GPC6: variants seen among roughly 807,000 people sequenced by gnomAD.
The protein encoded by GPC6 is glypican 6.
In GPC6, 14 loss-of-function variants were observed where a neutral mutation model predicts 55.2. The observed-to-expected ratio is 0.25, with a 90% confidence interval of 0.17 to 0.40. GPC6 has a LOEUF of 0.40. Among genes scored for constraint, GPC6 ranks in the 10% least tolerant of loss-of-function variants. The pLI is 1.00. For missense variants in GPC6, 641 were observed against 708.5 expected (o/e 0.90, Z 1.08); for synonymous variants, 278 against 259.6 (o/e 1.07, Z -0.68).
chr13:94,080,380 A>G (rs534590875), intron 4 of GPC6, among the ~76,000 whole-genome samples: 2 of 151,628 alleles, frequency 1.3e-5, no homozygotes, highest in African/African-American at 4.8e-5. Flanking sequence ...GCATTATTAG[A>G]ATACATAACA....
At chr13:93,376,867 G>A in intron 1 of GPC6, among the ~76,000 whole-genome samples, 1 of 150,120 alleles carries the variant, frequency 6.7e-6, no homozygotes, top group South Asian at 2.1e-4. Context: ...ACACTGTCAT[G>A]TGCACAGCTA....
chr13:93,796,928 A>G (rs1029756973), intron 2 of GPC6, among the ~76,000 whole-genome samples: 2 of 152,256 alleles, frequency 1.3e-5, no homozygotes, highest in African/African-American at 2.4e-5. Flanking sequence ...CGTTTCTGGT[A>G]TCAACAAAAT....
chr13:93,766,191 AAAGAATT>A (rs1217728367), intron 2 of GPC6, among the ~76,000 whole-genome samples: 1 of 152,232 alleles, frequency 6.6e-6, no homozygotes, highest in Non-Finnish European at 1.5e-5. Context: ...TTATTCAGCA[AAAGAATT>A]AAGAATTCAA....
chr13:93,653,458 A>G (rs1009390120), intron 2 of GPC6, among the ~76,000 whole-genome samples: 17 of 152,268 alleles, frequency 1.1e-4, no homozygotes, highest in Admixed American at 8.5e-4. Flanking sequence ...GCAGTCCACC[A>G]TGCCATTTTC....
At chr13:94,167,311 G>A (rs973798421) in intron 4 of GPC6, among the ~76,000 whole-genome samples, 58 of 152,178 alleles carry the variant, frequency 3.8e-4, no homozygotes, top group Non-Finnish European at 2.9e-5. Flanking sequence ...GAGAGAGAGA[G>A]TGCAAGAGGG....
At chr13:93,905,307 C>G (rs1876606316) in intron 3 of GPC6, among the ~76,000 whole-genome samples, 1 of 152,074 alleles carries the variant, frequency 6.6e-6, no homozygotes, top group African/African-American at 2.4e-5. Flanking sequence ...TAGTAAACCG[C>G]TCTGTGAATC....
At chr13:94,214,401 G>T (rs922528543) in intron 4 of GPC6, among the ~76,000 whole-genome samples, 1 of 152,136 alleles carries the variant, frequency 6.6e-6, no homozygotes, top group Non-Finnish European at 1.5e-5. Flanking sequence ...GGTAGGTAGG[G>T]AATTTAATTA....
chr13:94,346,943 A>C (rs1465721907), intron 6 of GPC6, among the ~76,000 whole-genome samples: 1 of 152,144 alleles, frequency 6.6e-6, no homozygotes, highest in African/African-American at 2.4e-5. Flanking sequence ...AACATCCTAC[A>C]CTTTCATCTA....
chr13:94,011,354 C>T (rs1401951512), intron 3 of GPC6, among the ~76,000 whole-genome samples: 1 of 152,110 alleles, frequency 6.6e-6, no homozygotes, highest in Non-Finnish European at 1.5e-5. Context: ...AGCAACCATG[C>T]ATTATTTGGG....
chr13:93,284,328 T>C (rs969974565), intron 1 of GPC6, among the ~76,000 whole-genome samples: 1 of 152,214 alleles, frequency 6.6e-6, no homozygotes, highest in Non-Finnish European at 1.5e-5. Flanking sequence ...CAAATAGGGT[T>C]TATTATGTCC....
In GPC6 at chr13:94,338,717, C is replaced by T. The variant is rs147128301; in HGVS notation, c.1152+32594C>T. ...ATTTTACAGTTGAGGAAATGGAGTC[C>T]GAGTGGCCAGAAGAAATTTCATGAA... On this transcript the variant is annotated intron_variant, in intron 6 of 8. Coordinates refer to ENST00000377047, the MANE Select transcript of GPC6 (RefSeq NM_005708.5). 1.9e-3 allele frequency among the ~76,000 whole-genome samples: 291 copies of T among 152,128 alleles called. 3 individuals are homozygous for T. The highest frequency in any genetic ancestry group is 6.6e-3 in the African/African-American group (272 of 41,466).
At chr13:94,086,269 G>A (rs1316956876) in intron 4 of GPC6, among the ~76,000 whole-genome samples, 1 of 152,130 alleles carries the variant, frequency 6.6e-6, no homozygotes, top group African/African-American at 2.4e-5. Flanking sequence ...GCTCTGTCTT[G>A]AGTGCTAGAG....
At chr13:93,835,947 T>C (rs1887717192) in intron 3 of GPC6, 1 of 152,170 alleles carries the variant, frequency 6.6e-6, no homozygotes, top group Non-Finnish European at 1.5e-5. Context: ...ACTATCTCTC[T>C]ATCCATCTCT....
chr13:94,094,165 T>A (rs1303098208), intron 4 of GPC6, among the ~76,000 whole-genome samples: 2 of 152,016 alleles, frequency 1.3e-5, no homozygotes, highest in Admixed American at 6.6e-5. Context: ...TACTTTATTA[T>A]GTCTAAAAAA....
In GPC6 at chr13:93,232,796, A is replaced by C. The variant is rs75579587; in HGVS notation, c.160+5180A>C. 3.2e-3 allele frequency among the ~76,000 whole-genome samples: 491 copies of C among 152,276 alleles called. 21 individuals carry two copies. In the East Asian group the frequency reaches 0.09, roughly 28 times the overall value. On this transcript the variant is annotated intron_variant, in intron 1 of 8. Coordinates refer to ENST00000377047, the MANE Select transcript of GPC6 (RefSeq NM_005708.5). ...AAAATTATTGAGTAGTTCTAACCTA[A>C]AATGACCTAACTTCAATCACTAGTT...
chr13:94,248,372 G>T (rs1389591471), intron 4 of GPC6, among the ~76,000 whole-genome samples: 2 of 152,020 alleles, frequency 1.3e-5, no homozygotes, highest in Non-Finnish European at 2.9e-5. Context: ...AATTTACTTT[G>T]ACTTGACATT....
At chr13:93,669,818 G>T (rs1881286224) in intron 2 of GPC6, among the ~76,000 whole-genome samples, 2 of 146,036 alleles carry the variant, frequency 1.4e-5, no homozygotes, top group South Asian at 4.5e-4. Flanking sequence ...ATTAGAGTGG[G>T]ATTGAAAGCC....
intron 1 of GPC6, among the ~76,000 whole-genome samples, chr13:93,456,359 G>A (rs987780539): frequency 1.3e-5 from 2 of 151,990 alleles, no homozygotes; most frequent in African/African-American, 4.8e-5. Flanking sequence ...CTTAGTTATA[G>A]AAATCAGGTA....
In GPC6 at chr13:94,276,247, A is replaced by T. The variant is rs977580736; in HGVS notation, c.878-10102A>T. Reference sequence around the variant, plus strand: ...AATCTCTTTGTAAACTTGAATCCTTAGAAGTTCTTGATCAGGTAGAATGAT... The same window carrying T: ...AATCTCTTTGTAAACTTGAATCCTTTGAAGTTCTTGATCAGGTAGAATGAT... On this transcript the variant is annotated intron_variant, in intron 4 of 8. Coordinates refer to ENST00000377047, the MANE Select transcript of GPC6 (RefSeq NM_005708.5). Among the ~76,000 whole-genome samples, 3 of 152,208 alleles carry T rather than the reference A, an allele frequency of 2.0e-5. No individual in the cohort carries two copies. In the East Asian group the frequency reaches 5.8e-4, roughly 29 times the overall value.
Sources: allele counts gnomAD v4.1 joint callset (sites outside exome capture counted in the v4.1 genomes callset), GRCh38; gene constraint gnomAD v4.1.1; transcripts MANE v1.5; gene names NCBI Gene and HGNC (gene_info 2026-07-23, HGNC 2026-07-21).